DDX11: variants seen among roughly 807,000 people sequenced by gnomAD.
DDX11 encodes ATP-dependent DNA helicase DDX11.
Under a neutral mutation model 125.2 loss-of-function variants are expected in DDX11, and 72 were observed. That is an observed-to-expected ratio of 0.58 (90% CI 0.48 to 0.70). The LOEUF is 0.70. Ranked by LOEUF, DDX11 falls within the 30% of genes least tolerant of loss-of-function variation. The pLI, the probability that DDX11 is intolerant of heterozygous loss-of-function variation, is 0.00. For missense variants in DDX11, 883 were observed against 1,165.0 expected (o/e 0.76, Z 3.52); for synonymous variants, 347 against 452.6 (o/e 0.77, Z 2.96).
intron 5 of DDX11, chr12:31,086,108 C>T (rs1248633773): frequency 2.2e-6 from 1 of 454,396 alleles, no homozygotes; most frequent in Non-Finnish European, 4.4e-6. Flanking sequence ...CGCACCAGGC[C>T]TTCCTCTGTC....
intron 17 of DDX11, 129 bp downstream of exon 17, chr12:31,097,119 G>C: frequency 8.0e-7 from 1 of 1,249,050 alleles, no homozygotes; most frequent in Non-Finnish European, 1.1e-6. Flanking sequence ...GCAGTGCAGT[G>C]GGCACTGGCC....
chr12:31,096,721 A>C lies in DDX11; in HGVS notation c.1606A>C (p.Ser536Arg). The change falls in exon 16 of 27, where the codon AGC becomes CGC. Residue 536 changes from serine to arginine, a missense_variant. Around this residue, in one of 5 missense-constraint regions of DDX11, gnomAD observed 241 missense variants for 279.7 expected, o/e 0.86. Transcript: ENST00000542838. Reference protein sequence around the residue: ...KLAGFQQFLQSLQPRTTEALA... With the variant: ...KLAGFQQFLQRLQPRTTEALA... Reference sequence around the variant, plus strand: ...GGCTGGGTTTCAGCAATTCCTGCAGAGCCTGCAGCCCAGGACGACTGAAGG... The same window carrying C: ...GGCTGGGTTTCAGCAATTCCTGCAGCGCCTGCAGCCCAGGACGACTGAAGG... The C allele has an allele frequency of 1.2e-6, 2 of 1,614,138 alleles. No individual in the cohort carries two copies. Among genetic ancestry groups the C allele is most frequent in the South Asian group, 2.2e-5 (2 of 91,082 alleles).
chr12:31,103,690 G>A lies in DDX11; in HGVS notation c.2650G>A (p.Val884Ile), dbSNP rs745748551. 2 of 1,613,998 alleles carry A rather than the reference G, an allele frequency of 1.2e-6. No homozygotes were observed. The highest frequency in any genetic ancestry group is 1.1e-5 in the South Asian group (1 of 91,062). ...GGCCTGGATCCGAGCCCGTGTGGAGGTCAAAGCTACCTTTGGCCCCGCCAT... is the reference window on the plus strand; with the variant it reads ...GGCCTGGATCCGAGCCCGTGTGGAGATCAAAGCTACCTTTGGCCCCGCCAT... ...LPAWIRARVE[V>I]KATFGPAIAA... Residue 884 changes from valine to isoleucine, a missense_variant, in exon 26 of 27, where the codon GTC (valine) becomes ATC (isoleucine). Physicochemically the swap from Val to Ile is conservative, Grantham distance 29 (BLOSUM62 3). This residue lies in a region of DDX11 where 285 missense variants were observed against 346.0 expected (regional missense o/e 0.82). Transcript: ENST00000542838.
chr12:31,087,032 C>G (rs116577228), intron 5 of DDX11, among the ~76,000 whole-genome samples: 5 of 147,530 alleles, frequency 3.4e-5, no homozygotes, highest in Non-Finnish European at 7.4e-5. Flanking sequence ...GTGATGTTGC[C>G]ATAGGTAGCG....
In DDX11 at chr12:31,103,749, C is replaced by T. The variant is rs1946825762; in HGVS notation, c.2691+18C>T. On this transcript the variant is annotated intron_variant, in intron 26 of 26. Coordinates refer to ENST00000542838, the MANE Select transcript of DDX11 (RefSeq NM_030653.4). ...TGCAGAAGGTCAGTCCTACCTTTTT[C>T]TTTCTGAGAGCCTCCCCACCCCGAG... 1 of 1,613,538 alleles carries T rather than the reference C, an allele frequency of 6.2e-7. No homozygotes were observed. The highest frequency in any genetic ancestry group is 1.3e-5 in the African/African-American group (1 of 74,906).
intron 17 of DDX11, among the ~76,000 whole-genome samples, chr12:31,097,673 C>A (rs1253982200): frequency 8.9e-6 from 1 of 112,932 alleles, no homozygotes; most frequent in Non-Finnish European, 1.7e-5. Flanking sequence ...GATCGAGACT[C>A]CATCTCAAAA....
intron 3 of DDX11, 25 bp downstream of exon 3, chr12:31,084,086 G>A: frequency 6.2e-7 from 1 of 1,612,872 alleles, no homozygotes; most frequent in African/African-American, 1.3e-5. Flanking sequence ...ATCCGGAAGT[G>A]GGAGTACTGG....
In DDX11 at chr12:31,094,836, C is replaced by G; in HGVS notation, c.1482+14C>G. On this transcript the variant is annotated intron_variant, in intron 14 of 26. Coordinates refer to ENST00000542838, the MANE Select transcript of DDX11 (RefSeq NM_030653.4). ...AACCTGTTCAAGGTAGAGGTTTCCACCTTTCCACATTCCACATCCAATTTC... is the reference window on the plus strand; with the variant it reads ...AACCTGTTCAAGGTAGAGGTTTCCAGCTTTCCACATTCCACATCCAATTTC... 6.2e-7 allele frequency: 1 copy of G among 1,611,422 alleles called. No individual in the cohort carries two copies. Among genetic ancestry groups the G allele is most frequent in the East Asian group, 2.2e-5 (1 of 44,868 alleles).
intron 19 of DDX11, 36 bp from the exon 20 acceptor site, chr12:31,100,991 A>ATGT: frequency 6.4e-7 from 1 of 1,560,884 alleles, no homozygotes; most frequent in Non-Finnish European, 8.8e-7. Flanking sequence ...GCACACCTGC[A>ATGT]TCTCCAGTTT....
At chr12:31,097,284 A>C (rs377093163) in intron 17 of DDX11, among the ~76,000 whole-genome samples, 2 of 151,940 alleles carry the variant, frequency 1.3e-5, no homozygotes, top group African/African-American at 4.8e-5. Context: ...GGAAACTTCT[A>C]CTGTGGGGTA....
At chr12:31,084,100 A>G in intron 3 of DDX11, 39 bp downstream of exon 3, 2 of 1,610,178 alleles carry the variant, frequency 1.2e-6, no homozygotes, top group Non-Finnish European at 1.7e-6. Context: ...GTACTGGAGG[A>G]AACAGGGCTT....
chr12:31,096,773 C>G, intron 16 of DDX11, 28 bp downstream of exon 16: 1 of 1,614,180 alleles, frequency 6.2e-7, no homozygotes, highest in Non-Finnish European at 8.5e-7. Flanking sequence ...GCAGGCAGAG[C>G]CGGCTGCACG....
At chr12:31,080,295 G>A (rs1413028649) in intron 2 of DDX11, among the ~76,000 whole-genome samples, 3 of 151,766 alleles carry the variant, frequency 2.0e-5, no homozygotes, top group African/African-American at 7.3e-5. Flanking sequence ...TCTGGGGAAG[G>A]GGATCCAGGT....
intron 21 of DDX11, 54 bp from the exon 22 acceptor site, chr12:31,102,189 T>A (rs61918672): frequency 6.3e-7 from 1 of 1,593,918 alleles, no homozygotes; most frequent in Non-Finnish European, 8.6e-7. Flanking sequence ...ACGAGCAGAC[T>A]CGAGACCTGG....
At chr12:31,100,980 A>G (rs772779105) in intron 19 of DDX11, 47 bp from the exon 20 acceptor site, 1 of 1,529,818 alleles carries the variant, frequency 6.5e-7, no homozygotes. Flanking sequence ...AGTGTCTTGC[A>G]GCACACCTGC....
intron 5 of DDX11, chr12:31,087,426 A>G (rs1249833484): frequency 3.4e-6 from 1 of 294,730 alleles, no homozygotes; most frequent in Admixed American, 4.2e-5. Flanking sequence ...GGGTGTGAAG[A>G]GCAGGGGCCA....
chr12:31,094,038 T>C (rs541209228), intron 12 of DDX11, among the ~76,000 whole-genome samples: 1 of 151,974 alleles, frequency 6.6e-6, no homozygotes, highest in Non-Finnish European at 1.5e-5. Flanking sequence ...AAACTAGAGC[T>C]CGGAGCAAGG....
intron 2 of DDX11, among the ~76,000 whole-genome samples, chr12:31,079,802 T>G (rs1313036585): frequency 6.6e-6 from 1 of 152,056 alleles, no homozygotes; most frequent in African/African-American, 2.4e-5. Context: ...ACAGCTTCTT[T>G]TGTTTTGTTT....
At chr12:31,083,334 A>AC (rs1942390925) in intron 2 of DDX11, among the ~76,000 whole-genome samples, 2 of 151,194 alleles carry the variant, frequency 1.3e-5, no homozygotes, top group South Asian at 2.1e-4. Context: ...AACAAAACAA[A>AC]ACACAAACCG....
Sources: allele counts gnomAD v4.1 joint callset (sites outside exome capture counted in the v4.1 genomes callset), GRCh38; gene constraint gnomAD v4.1.1; regional missense constraint gnomAD v4.1.1; transcripts MANE v1.5; gene names NCBI Gene and HGNC (gene_info 2026-07-23, HGNC 2026-07-21).